The following CCDC68 variants were observed in gnomAD, a reference collection of about 807,000 sequenced individuals.
CCDC68 encodes coiled-coil domain containing 68.
In CCDC68, 45 loss-of-function variants were observed where a neutral mutation model predicts 47.1. That is an observed-to-expected ratio of 0.96 (90% CI 0.75 to 1.23). CCDC68 has a LOEUF of 1.23. Ranked by LOEUF, CCDC68 falls within the 50% of genes most tolerant of loss-of-function variation. The pLI is 0.00. For synonymous variants in CCDC68, 131 were observed against 129.5 expected (o/e 1.01, Z -0.08); for missense variants, 353 against 373.6 (o/e 0.94, Z 0.45).
chr18:54,940,140 TC>T (rs1337097365), intron 4 of CCDC68, among the ~76,000 whole-genome samples: 1 of 152,132 alleles, frequency 6.6e-6, no homozygotes, highest in Admixed American at 6.6e-5. Flanking sequence ...GGTAAACTTC[TC>T]CAGTTTCAGA....
intron 8 of CCDC68, among the ~76,000 whole-genome samples, chr18:54,923,876 C>G (rs2044103545): frequency 6.6e-6 from 1 of 152,218 alleles, no homozygotes; most frequent in East Asian, 1.9e-4. Flanking sequence ...CTATGCCCGG[C>G]TAATTTTTCT....
At chr18:54,910,571 G>A (rs1333919112) in intron 10 of CCDC68, among the ~76,000 whole-genome samples, 2 of 152,208 alleles carry the variant, frequency 1.3e-5, no homozygotes, top group Non-Finnish European at 2.9e-5. Context: ...CTGTCCTGAA[G>A]GTGAGGACTC....
intron 9 of CCDC68, 99 bp from the exon 10 acceptor site, chr18:54,918,095 C>A: frequency 3.3e-6 from 2 of 600,592 alleles, no homozygotes; most frequent in South Asian, 2.1e-5. Context: ...AAAAGATGTT[C>A]ATCAAATTAA....
rs957534248 is a variant in CCDC68, at chr18:54,902,959, G to A, written c.*1399C>T. 6.6e-6 allele frequency: 1 copy of A among 152,038 alleles called. No homozygotes were observed. The highest frequency in any genetic ancestry group is 2.4e-5 in the African/African-American group (1 of 41,378). 9.4% of individuals were successfully genotyped at this position (152,038 alleles called of 1,614,324 possible). ...AAGTAAAGTGCTTAGACTTGTTGCTGGTATAAGGTAACTATGCCCTAAATG... is the reference window on the plus strand; with the variant it reads ...AAGTAAAGTGCTTAGACTTGTTGCTAGTATAAGGTAACTATGCCCTAAATG... On this transcript the variant is annotated 3_prime_UTR_variant, in exon 12 of 12. Transcript: ENST00000591504.
At chr18:54,917,376 G>A (rs1248290361) in intron 10 of CCDC68, among the ~76,000 whole-genome samples, 1 of 152,136 alleles carries the variant, frequency 6.6e-6, no homozygotes, top group African/African-American at 2.4e-5. Flanking sequence ...TCTGACTAGA[G>A]TGAAATTTAC....
chr18:54,936,657 G>A (rs1430886871), intron 6 of CCDC68, among the ~76,000 whole-genome samples, 176 bp downstream of exon 6: 1 of 152,252 alleles, frequency 6.6e-6, no homozygotes, highest in Non-Finnish European at 1.5e-5. Flanking sequence ...TGGGGTGTCC[G>A]GCTAAGCAGG....
intron 10 of CCDC68, among the ~76,000 whole-genome samples, chr18:54,915,217 A>G (rs1345824937): frequency 1.3e-5 from 2 of 152,272 alleles, no homozygotes; most frequent in Admixed American, 1.3e-4. Flanking sequence ...AACAGCTTCA[A>G]TAAGAATTTA....
chr18:54,904,146 C>A lies in CCDC68; in HGVS notation c.*212G>T. 2.6e-6 allele frequency: 1 copy of A among 380,752 alleles called. No homozygotes were observed. Among genetic ancestry groups the A allele is most frequent in the Non-Finnish European group, 4.7e-6 (1 of 211,956 alleles). 23.6% of individuals were successfully genotyped at this position (380,752 alleles called of 1,614,324 possible). On this transcript the variant is annotated 3_prime_UTR_variant, in exon 12 of 12. Coordinates refer to ENST00000591504, the MANE Select transcript of CCDC68 (RefSeq NM_025214.3). Reference sequence around the variant, plus strand: ...TCCATCATGAGAAGGCACCTGGTTTCTTCAACTATTTGGTAAGTTTTGAAG... The same window carrying A: ...TCCATCATGAGAAGGCACCTGGTTTATTCAACTATTTGGTAAGTTTTGAAG...
chr18:54,913,240 A>G (rs542776047), intron 10 of CCDC68, among the ~76,000 whole-genome samples: 1 of 152,298 alleles, frequency 6.6e-6, no homozygotes, highest in Non-Finnish European at 1.5e-5. Flanking sequence ...AAAACAAAAT[A>G]CGTAGCATGA....
chr18:54,915,715 G>T (rs535034723), intron 10 of CCDC68, among the ~76,000 whole-genome samples: 240 of 152,234 alleles, frequency 1.6e-3, no homozygotes, highest in Non-Finnish European at 2.8e-3. Flanking sequence ...GATCGCTTGA[G>T]GTCAGGAGTT....
At chr18:54,958,266 C>G (rs1365629788) in intron 1 of CCDC68, among the ~76,000 whole-genome samples, 2 of 152,184 alleles carry the variant, frequency 1.3e-5, no homozygotes, top group African/African-American at 4.8e-5. Flanking sequence ...GGCCTTCCCT[C>G]TCAAATTGGG....
chr18:54,937,157 T>G (rs2044363955), intron 5 of CCDC68, 199 bp from the exon 6 acceptor site: 2 of 553,618 alleles, frequency 3.6e-6, no homozygotes, highest in South Asian at 4.2e-5. Context: ...GAGGGGCTGT[T>G]GAACAGGCAG....
intron 1 of CCDC68, among the ~76,000 whole-genome samples, chr18:54,953,764 A>G (rs1042575379): frequency 1.3e-5 from 2 of 152,230 alleles, no homozygotes; most frequent in Non-Finnish European, 2.9e-5. Flanking sequence ...GAAATATACA[A>G]TAATACATAA....
chr18:54,927,057 CA>C (rs1415609035), intron 8 of CCDC68, among the ~76,000 whole-genome samples: 2 of 152,130 alleles, frequency 1.3e-5, no homozygotes, highest in Non-Finnish European at 2.9e-5. Context: ...CTTAACCTAA[CA>C]GAAACTGTCT....
At chr18:54,908,616 C>T (rs1347535267) in intron 10 of CCDC68, among the ~76,000 whole-genome samples, 2 of 152,180 alleles carry the variant, frequency 1.3e-5, no homozygotes, top group African/African-American at 2.4e-5. Flanking sequence ...ATAATAATAA[C>T]GCCTTCTCCA....
At chr18:54,904,460 T>A (rs1913866786) in intron 11 of CCDC68, 45 bp from the exon 12 acceptor site, 1 of 1,488,500 alleles carries the variant, frequency 6.7e-7, no homozygotes, top group Non-Finnish European at 9.4e-7. Flanking sequence ...AATGTTAAAC[T>A]CTAGTGATTA....
At chr18:54,920,829 C>A (rs1245599273) in intron 8 of CCDC68, among the ~76,000 whole-genome samples, 1 of 152,176 alleles carries the variant, frequency 6.6e-6, no homozygotes, top group African/African-American at 2.4e-5. Flanking sequence ...TTCAACCCAA[C>A]AATCCCATTA....
At chr18:54,923,643 A>AAATATATCTAAGTAAGCTGCC (rs574065796) in intron 8 of CCDC68, among the ~76,000 whole-genome samples, 277 of 152,256 alleles carry the variant, frequency 1.8e-3, no homozygotes, top group South Asian at 9.5e-3. Context: ...TTAAATGTAA[A>AAATATATCTAAGTAAGCTGCC]AATATATCTA....
intron 1 of CCDC68, among the ~76,000 whole-genome samples, chr18:54,951,108 C>T (rs1227430495): frequency 6.6e-6 from 1 of 151,056 alleles, no homozygotes. Flanking sequence ...CGGGGTTTCA[C>T]CGTGTTAGCC....
Sources: allele counts gnomAD v4.1 joint callset (sites outside exome capture counted in the v4.1 genomes callset), GRCh38; gene constraint gnomAD v4.1.1; transcripts MANE v1.5; gene names NCBI Gene and HGNC (gene_info 2026-07-23, HGNC 2026-07-21).